The following AKAP12 variants were observed in gnomAD, a reference collection of about 807,000 sequenced individuals.
The protein encoded by AKAP12 is A-kinase anchoring protein 12.
AKAP12 carries 32 observed loss-of-function variants against 79.9 expected under a neutral mutation model. The observed-to-expected ratio is 0.40, with a 90% CI of 0.30 to 0.54. The LOEUF (loss-of-function observed/expected upper bound fraction) is 0.54, where lower values mean the gene tolerates loss of function less well. Among genes scored for constraint, AKAP12 ranks in the 20% least tolerant of loss-of-function variants. The pLI is 0.48. For missense variants in AKAP12, 2,074 were observed against 2,177.0 expected (o/e 0.95, Z 0.94); for synonymous variants, 808 against 857.0 (o/e 0.94, Z 1.00).
At chr6:151,300,512 C>T (rs1776843038) in intron 2 of AKAP12, among the ~76,000 whole-genome samples, 1 of 152,184 alleles carries the variant, frequency 6.6e-6, no homozygotes, top group South Asian at 2.1e-4. Context: ...CATCATTTCA[C>T]AACTTCATTA....
intron 3 of AKAP12, among the ~76,000 whole-genome samples, chr6:151,334,768 C>T (rs1385070512): frequency 4.0e-5 from 6 of 151,606 alleles, no homozygotes; most frequent in African/African-American, 1.5e-4. Context: ...ACTACAGGCG[C>T]CCGCCACCAT....
chr6:151,282,186 C>T (rs1045440824), intron 2 of AKAP12, among the ~76,000 whole-genome samples: 4 of 151,862 alleles, frequency 2.6e-5, no homozygotes, highest in African/African-American at 2.4e-5. Context: ...CAGGTTCGAG[C>T]GGGAGGCAGA....
At chr6:151,247,075 G>A (rs1797090398) in intron 2 of AKAP12, among the ~76,000 whole-genome samples, 1 of 151,778 alleles carries the variant, frequency 6.6e-6, no homozygotes, top group Admixed American at 6.6e-5. Flanking sequence ...TTACAGGTGT[G>A]AGCCCCCATG....
intron 2 of AKAP12, among the ~76,000 whole-genome samples, chr6:151,248,302 T>G (rs899082035): frequency 2.7e-5 from 4 of 149,024 alleles, no homozygotes; most frequent in African/African-American, 9.9e-5. Flanking sequence ...AGGGTCTCAC[T>G]GTGTTTCCCA....
chr6:151,327,788 T>TA (rs1427862906), intron 3 of AKAP12, among the ~76,000 whole-genome samples: 1 of 152,214 alleles, frequency 6.6e-6, no homozygotes, highest in African/African-American at 2.4e-5. Flanking sequence ...TTACTTTTCT[T>TA]ACAATGTGGG....
At position 151,305,920 on chromosome 6, in the gene AKAP12, G is replaced by C; in HGVS notation, c.319+17G>C. 6.3e-7 allele frequency: 1 copy of C among 1,589,934 alleles called. No homozygotes were observed. The highest frequency in any genetic ancestry group is 8.6e-7 in the Non-Finnish European group (1 of 1,167,866). On this transcript the variant is annotated intron_variant, in intron 3 of 4. Coordinates refer to ENST00000402676, the MANE Select transcript of AKAP12 (RefSeq NM_005100.4). ...TCACAGAGGGTAAGCCGCCCCTCCA[G>C]GAACTGGAAGGCACACAGCACTTGC...
At chr6:151,302,743 A>G (rs1438207424) in intron 2 of AKAP12, among the ~76,000 whole-genome samples, 1 of 151,332 alleles carries the variant, frequency 6.6e-6, no homozygotes, top group African/African-American at 2.4e-5. Flanking sequence ...TTGCCATATC[A>G]TGAAACTGTG....
intron 3 of AKAP12, among the ~76,000 whole-genome samples, chr6:151,321,902 T>A (rs1777397583): frequency 8.0e-6 from 1 of 124,224 alleles, no homozygotes. Context: ...ATCAGCTTTA[T>A]GTTTTTTTTT....
intron 2 of AKAP12, among the ~76,000 whole-genome samples, chr6:151,304,320 C>G (rs140625721): frequency 0.038 from 5,773 of 151,210 alleles, 365 homozygotes; most frequent in African/African-American, 0.13. Context: ...CAAACCACGT[C>G]TCTACTAAAA....
Position 151,290,266 on chromosome 6 carries a change from A to G in AKAP12, c.163-15481A>G, listed in dbSNP as rs144732310. 2.9e-3 allele frequency among the ~76,000 whole-genome samples: 445 copies of G among 152,168 alleles called. 4 individuals are homozygous for G. The highest frequency in any genetic ancestry group is 0.01 in the African/African-American group (420 of 41,496). On this transcript the variant is annotated intron_variant, in intron 2 of 4. Transcript: ENST00000402676. ...AACTGGGCAGTGTCTGGAAAGGCCA[A>G]CATCTTCACTGCACACCCTACAGGG... is the stretch of plus-strand genomic sequence containing the variant.
At chr6:151,251,599 A>G (rs1797175411) in intron 2 of AKAP12, among the ~76,000 whole-genome samples, 1 of 152,236 alleles carries the variant, frequency 6.6e-6, no homozygotes, top group African/African-American at 2.4e-5. Context: ...TGTTGGTTTC[A>G]GTTATCTACT....
intron 3 of AKAP12, among the ~76,000 whole-genome samples, chr6:151,308,693 T>C (rs1367971740): frequency 2.0e-5 from 3 of 152,170 alleles, no homozygotes; most frequent in Non-Finnish European, 2.9e-5. Flanking sequence ...ATTCTCTTGG[T>C]TTATTAGGTT....
intron 3 of AKAP12, among the ~76,000 whole-genome samples, chr6:151,308,097 A>C (rs536731998): frequency 6.6e-6 from 1 of 151,958 alleles, no homozygotes; most frequent in African/African-American, 2.4e-5. Context: ...CTGGTTTCGA[A>C]CTTCTGACCT....
intron 3 of AKAP12, among the ~76,000 whole-genome samples, chr6:151,345,924 T>TGAGA (rs1778086464): frequency 9.6e-6 from 1 of 103,928 alleles, no homozygotes; most frequent in African/African-American, 3.2e-5. Context: ...TGTGTGTGTG[T>TGAGA]GTGTGTGTGA....
At chr6:151,285,089 C>A (rs1379825516) in intron 2 of AKAP12, among the ~76,000 whole-genome samples, 1 of 152,148 alleles carries the variant, frequency 6.6e-6, no homozygotes, top group Non-Finnish European at 1.5e-5. Context: ...GATTTATGAA[C>A]GACAGAGTGG....
chr6:151,346,112 A>T (rs919412901), intron 3 of AKAP12, among the ~76,000 whole-genome samples: 3 of 152,122 alleles, frequency 2.0e-5, no homozygotes, highest in Non-Finnish European at 4.4e-5. Context: ...TTTTCCAAGA[A>T]GACCCAAAAA....
At position 151,240,777 on chromosome 6, in the gene AKAP12, G is replaced by A. The variant is rs1453999635; in HGVS notation, c.162+53G>A. 7.0e-6 allele frequency: 8 copies of A among 1,137,702 alleles called. No individual in the cohort carries two copies. In the African/African-American group the frequency reaches 1.0e-4, roughly 14 times the overall value. The allele number at this position is 1,137,702 out of a possible 1,614,324, so 70.5% of individuals were successfully genotyped here. A position where few individuals can be genotyped will look rare whatever the true frequency, so the allele number is the denominator to read the frequency against. Reference sequence around the variant, plus strand: ...GGGAGGCGCGGGTCTTTGGGGGTGGGGGTGGGGGTGGGGGGGTCCCTCCGA... The same window carrying A: ...GGGAGGCGCGGGTCTTTGGGGGTGGAGGTGGGGGTGGGGGGGTCCCTCCGA... On this transcript the variant is annotated intron_variant, in intron 2 of 4. Transcript: ENST00000402676.
chr6:151,326,620 T>C (rs557197057), intron 3 of AKAP12, among the ~76,000 whole-genome samples: 2 of 152,200 alleles, frequency 1.3e-5, no homozygotes, highest in Non-Finnish European at 2.9e-5. Context: ...CATCAAACTT[T>C]TAGAATGCTC....
At chr6:151,249,471 G>A (rs751182020) in intron 2 of AKAP12, among the ~76,000 whole-genome samples, 4 of 152,138 alleles carry the variant, frequency 2.6e-5, no homozygotes, top group African/African-American at 4.8e-5. Context: ...AGCCACCTAC[G>A]CCTGGCCATT....
Sources: allele counts gnomAD v4.1 joint callset (sites outside exome capture counted in the v4.1 genomes callset), GRCh38; gene constraint gnomAD v4.1.1; transcripts MANE v1.5; gene names NCBI Gene and HGNC (gene_info 2026-07-23, HGNC 2026-07-21).